Variants in DCLK1 observed in about 807,000 individuals in gnomAD.
DCLK1 encodes the protein doublecortin like kinase 1, also known as serine/threonine-protein kinase DCLK1.
In DCLK1, 16 loss-of-function variants were observed where a neutral mutation model predicts 86.2. That is an observed-to-expected ratio of 0.19 (90% CI 0.13 to 0.28). The LOEUF is 0.28. DCLK1 is among the 10% of genes least tolerant of loss of function. The pLI is 1.00. For missense variants in DCLK1, 590 were observed against 940.2 expected (o/e 0.63, Z 4.87); for synonymous variants, 369 against 370.5 (o/e 1.00, Z 0.05).
chr13:36,129,996 T>C (rs546956891), intron 1 of DCLK1, among the ~76,000 whole-genome samples: 1 of 152,148 alleles, frequency 6.6e-6, no homozygotes, highest in African/African-American at 2.4e-5. Context: ...CACATCTAAA[T>C]AGATGCTGGA....
chr13:35,867,042 C>T (rs1464698310), intron 5 of DCLK1, among the ~76,000 whole-genome samples: 1 of 152,078 alleles, frequency 6.6e-6, no homozygotes, highest in African/African-American at 2.4e-5. Context: ...GGGCCCGGTT[C>T]CAGGGAAAGG....
chr13:36,106,361 C>T (rs116248401), intron 3 of DCLK1, among the ~76,000 whole-genome samples: 155 of 152,270 alleles, frequency 1.0e-3, no homozygotes, highest in African/African-American at 3.3e-3. Context: ...AGTGTCATTA[C>T]GATTCTTAAA....
At chr13:35,859,517 C>A (rs1265173084) in intron 5 of DCLK1, among the ~76,000 whole-genome samples, 1 of 152,158 alleles carries the variant, frequency 6.6e-6, no homozygotes, top group Non-Finnish European at 1.5e-5. Context: ...CCCGACGGTA[C>A]ATGACCCTCC....
intron 2 of DCLK1, among the ~76,000 whole-genome samples, chr13:36,119,587 T>G (rs1394129936): frequency 1.3e-5 from 2 of 152,188 alleles, no homozygotes; most frequent in South Asian, 2.1e-4. Flanking sequence ...ATCAACATCA[T>G]GTACCCCCTG....
intron 3 of DCLK1, among the ~76,000 whole-genome samples, chr13:36,049,110 AG>A (rs1883037317): frequency 6.6e-6 from 1 of 152,122 alleles, no homozygotes; most frequent in African/African-American, 2.4e-5. Flanking sequence ...CACTTTCCAA[AG>A]ACAATAGAAA....
At chr13:36,030,040 G>A (rs945526846) in intron 3 of DCLK1, among the ~76,000 whole-genome samples, 1 of 152,172 alleles carries the variant, frequency 6.6e-6, no homozygotes, top group Non-Finnish European at 1.5e-5. Flanking sequence ...ATCTACAAAC[G>A]CAGAGGCCAG....
At chr13:35,958,031 TACC>T (rs1304121792) in intron 3 of DCLK1, among the ~76,000 whole-genome samples, 36 of 4,390 alleles carry the variant, frequency 8.2e-3, no homozygotes, top group East Asian at 0.012. Flanking sequence ...ACACCACAAC[TACC>T]ACCACCACCA....
chr13:36,001,491 CA>C (rs1308918531), intron 3 of DCLK1, among the ~76,000 whole-genome samples: 1 of 152,096 alleles, frequency 6.6e-6, no homozygotes, highest in Non-Finnish European at 1.5e-5. Flanking sequence ...AGGCTGAAGC[CA>C]GATGCCTTTT....
chr13:35,906,085 C>G (rs1185234458), intron 4 of DCLK1, among the ~76,000 whole-genome samples: 1 of 152,176 alleles, frequency 6.6e-6, no homozygotes, highest in African/African-American at 2.4e-5. Flanking sequence ...TTTCCTCCCT[C>G]AGCCACCCAC....
At chr13:35,798,744 T>C (rs1484176923) in intron 15 of DCLK1, among the ~76,000 whole-genome samples, 1 of 152,180 alleles carries the variant, frequency 6.6e-6, no homozygotes, top group African/African-American at 2.4e-5. Context: ...CAATAAGTGG[T>C]TTTATATATT....
At chr13:36,121,438 C>G (rs12430710) in intron 2 of DCLK1, among the ~76,000 whole-genome samples, 30,137 of 152,086 alleles carry the variant, frequency 0.2, 3,596 homozygotes, top group East Asian at 0.45. Flanking sequence ...TGAACTCTCA[C>G]GCCATCTTGC....
At chr13:35,788,729 G>C (rs1186744874) in intron 16 of DCLK1, among the ~76,000 whole-genome samples, 1 of 152,146 alleles carries the variant, frequency 6.6e-6, no homozygotes, top group Non-Finnish European at 1.5e-5. Flanking sequence ...AAGAGGAAAA[G>C]AATCAGGTTT....
Position 35,793,414 on chromosome 13 carries a change from G to T in DCLK1, c.2010C>A (p.Asn670Lys). The T allele has an allele frequency of 1.9e-6, 3 of 1,610,066 alleles. No homozygotes were observed. The highest frequency in any genetic ancestry group is 2.5e-6 in the Non-Finnish European group (3 of 1,177,892). Residue 670 changes from asparagine to lysine, a missense_variant, in exon 16 of 17, where the codon AAC (asparagine) becomes AAA (lysine). Physicochemically the swap from Asn to Lys is moderately conservative, Grantham distance 94. Around this residue, in one of 6 missense-constraint regions of DCLK1, gnomAD observed 146 missense variants for 190.2 expected, o/e 0.77. Coordinates refer to ENST00000360631, the MANE Select transcript of DCLK1 (RefSeq NM_001330071.2). ...SVAGKIKKHF[N>K]TGPKPNSTAA... ...CTGTGCTATTCGGCTTGGGGCCTGT[G>T]TTGAAATGCTTCTTTATCTTTCCAG...
chr13:35,882,034 C>G (rs1872940034), intron 4 of DCLK1, among the ~76,000 whole-genome samples: 1 of 152,182 alleles, frequency 6.6e-6, no homozygotes, highest in African/African-American at 2.4e-5. Context: ...TTACAACAAA[C>G]TTCATGGCTT....
intron 15 of DCLK1, among the ~76,000 whole-genome samples, chr13:35,799,434 G>A (rs12866348): frequency 0.17 from 25,140 of 151,956 alleles, 3,210 homozygotes; most frequent in African/African-American, 0.35. Flanking sequence ...TATTTCTAGT[G>A]GAGACAAGGT....
chr13:35,858,495 T>C (rs1239322221), intron 5 of DCLK1, among the ~76,000 whole-genome samples: 2 of 152,134 alleles, frequency 1.3e-5, no homozygotes, highest in African/African-American at 4.8e-5. Flanking sequence ...TGGATTTCAT[T>C]TAGGTCTTAC....
intron 4 of DCLK1, among the ~76,000 whole-genome samples, chr13:35,897,342 C>G (rs1177699365): frequency 6.6e-6 from 1 of 152,168 alleles, no homozygotes; most frequent in Non-Finnish European, 1.5e-5. Flanking sequence ...GGGGCCTGTG[C>G]TGTGCTAGGG....
chr13:35,845,271 C>T (rs1324281784), intron 6 of DCLK1, among the ~76,000 whole-genome samples: 5 of 152,146 alleles, frequency 3.3e-5, no homozygotes, highest in Non-Finnish European at 7.3e-5. Context: ...TATATTTTTT[C>T]TAGCTTGGTC....
intron 16 of DCLK1, among the ~76,000 whole-genome samples, chr13:35,786,308 A>G (rs565862743): frequency 7.0e-4 from 106 of 152,348 alleles, no homozygotes; most frequent in African/African-American, 2.5e-3. Context: ...AATATGCACA[A>G]CTATAATTAG....
Sources: gnomAD v4.1 joint callset for allele counts (sites outside exome capture counted in the v4.1 genomes callset) on GRCh38, gnomAD v4.1.1 for gene constraint, gnomAD v4.1.1 regional missense constraint, MANE v1.5 for transcripts, NCBI Gene and HGNC (gene_info 2026-07-23, HGNC 2026-07-21) for gene names.